Variants in NUP205 observed in about 807,000 individuals in gnomAD.
NUP205 encodes the protein nucleoporin 205.
Under a neutral mutation model 253.8 loss-of-function variants are expected in NUP205, and 76 were observed. That is an observed-to-expected ratio of 0.30 (90% CI 0.25 to 0.36). The LOEUF is 0.36. Ranked by LOEUF, NUP205 falls within the 10% of genes least tolerant of loss-of-function variation. NUP205 has a pLI of 1.00. For missense variants in NUP205, 2,162 were observed against 2,425.5 expected, an observed-to-expected ratio of 0.89 and a Z score of 2.28; for synonymous variants, 832 against 850.1, an observed-to-expected ratio of 0.98 and a Z score of 0.37.
intron 14 of NUP205, 179 bp from the exon 15 acceptor site, chr7:135,597,819 T>C: frequency 1.8e-6 from 1 of 571,222 alleles, no homozygotes; most frequent in East Asian, 2.8e-5. Flanking sequence ...AGTTCTTCCA[T>C]CTGACTCATC....
At chr7:135,605,819 T>C (rs1234126378) in intron 19 of NUP205, among the ~76,000 whole-genome samples, 2 of 151,426 alleles carry the variant, frequency 1.3e-5, no homozygotes, top group Admixed American at 1.3e-4. Flanking sequence ...ACATTGACTA[T>C]ATAATGAAGA....
chr7:135,591,909 A>C (rs1326718572), intron 11 of NUP205, among the ~76,000 whole-genome samples: 1 of 152,208 alleles, frequency 6.6e-6, no homozygotes, highest in African/African-American at 2.4e-5. Flanking sequence ...CCCTTGCCTT[A>C]TAAGTTTGAT....
At chr7:135,646,040 C>A in intron 41 of NUP205, 118 bp from the exon 42 acceptor site, 1 of 694,396 alleles carries the variant, frequency 1.4e-6, no homozygotes, top group East Asian at 2.7e-5. Context: ...ATTGAGTTCC[C>A]AATCTTGAGC....
Position 135,600,817 on chromosome 7 carries a change from G to A in NUP205, c.2275-53G>A, listed in dbSNP as rs1478088594. ...TGGGAAGAGTGAAAAGCCTTGCAAG[G>A]CCACCACCTTGGTCTGTTTTATTGT... On this transcript the variant is annotated intron_variant, in intron 15 of 42. Transcript: ENST00000285968. 6 of 1,042,796 alleles carry A rather than the reference G, an allele frequency of 5.8e-6. No homozygotes were observed. The South Asian group carries it at 6.5e-5, about 11-fold the overall frequency. 64.6% of individuals were successfully genotyped at this position (1,042,796 alleles called of 1,614,324 possible).
intron 42 of NUP205, among the ~76,000 whole-genome samples, chr7:135,648,094 CTTCAGGAAATGTT>C (rs1313516443): frequency 6.6e-6 from 1 of 151,944 alleles, no homozygotes; most frequent in Non-Finnish European, 1.5e-5. Context: ...TTGTATGGCC[CTTCAGGAAATGTT>C]TTTGTGTGTA....
At chr7:135,559,680 A>C (rs6967472) in intron 1 of NUP205, among the ~76,000 whole-genome samples, 42,819 of 138,182 alleles carry the variant, frequency 0.31, 6,661 homozygotes, top group East Asian at 0.57. Context: ...ATACACATTT[A>C]TTTTCCTTTT....
At chr7:135,583,713 T>G (rs924706425) in intron 7 of NUP205, among the ~76,000 whole-genome samples, 1 of 151,986 alleles carries the variant, frequency 6.6e-6, no homozygotes, top group Admixed American at 6.6e-5. Flanking sequence ...GAGCTGAGAT[T>G]GTACCACTGC....
At position 135,606,211 on chromosome 7, in the gene NUP205, G is replaced by A. The variant is rs779900625; in HGVS notation, c.2890G>A (p.Val964Ile). Reference sequence around the variant, plus strand: ...GGATTGTGAAGATGCAGAAGAATTTGTACGTCTGGAAGAGGGTATGCCTTA... The same window carrying A: ...GGATTGTGAAGATGCAGAAGAATTTATACGTCTGGAAGAGGGTATGCCTTA... ...CLDCEDAEEF[V>I]RLEEGSELEK... is the part of the protein sequence containing the mutation. Residue 964 changes from valine to isoleucine, a missense_variant, in exon 20 of 43, where the codon GTA becomes ATA. Val to Ile is a conservative substitution (Grantham distance 29). This residue lies in a region of NUP205 where 1,144 missense variants were observed against 1,280.9 expected (regional missense o/e 0.89). Coordinates refer to ENST00000285968, the MANE Select transcript of NUP205 (RefSeq NM_015135.3). The A allele has an allele frequency of 3.1e-6, 5 of 1,610,376 alleles. No homozygotes were observed. In the African/African-American group the frequency reaches 4.0e-5, roughly 13 times the overall value.
intron 1 of NUP205, among the ~76,000 whole-genome samples, chr7:135,567,174 A>ATATATATATG (rs1805803075): frequency 1.9e-5 from 2 of 105,834 alleles, no homozygotes; most frequent in African/African-American, 3.6e-5. Context: ...ATATATATAT[A>ATATATATATG]TATATATGTA....
chr7:135,592,942 C>A, intron 11 of NUP205, 45 bp from the exon 12 acceptor site: 1 of 1,332,352 alleles, frequency 7.5e-7, no homozygotes, highest in Non-Finnish European at 1.1e-6. Flanking sequence ...CCAGCAAATG[C>A]TTAGATGTTT....
At chr7:135,611,057 G>A (rs1794219544) in intron 22 of NUP205, among the ~76,000 whole-genome samples, 1 of 150,402 alleles carries the variant, frequency 6.6e-6, no homozygotes, top group Non-Finnish European at 1.5e-5. Context: ...CTTGCCTGGA[G>A]TGCAGTGGTG....
intron 42 of NUP205, 32 bp downstream of exon 42, chr7:135,646,263 T>A: frequency 6.7e-7 from 1 of 1,498,522 alleles, no homozygotes; most frequent in Non-Finnish European, 9.3e-7. Context: ...CTTTTATTTT[T>A]CTTCATTAAA....
intron 38 of NUP205, among the ~76,000 whole-genome samples, chr7:135,639,560 G>A (rs537404338): frequency 1.3e-4 from 19 of 151,860 alleles, no homozygotes; most frequent in Non-Finnish European, 2.2e-4. Flanking sequence ...GTGCAGTGGC[G>A]CGCGCCTGTA....
intron 8 of NUP205, among the ~76,000 whole-genome samples, chr7:135,586,339 G>C (rs1806464046): frequency 6.6e-6 from 1 of 151,918 alleles, no homozygotes; most frequent in East Asian, 1.9e-4. Context: ...AGTTAACCTT[G>C]CTTGAAGTTT....
rs757489517 is a variant in NUP205, at chr7:135,591,616, ATGT to A, written c.1624+21_1624+23del. On this transcript the variant is annotated intron_variant, in intron 11 of 42. Transcript: ENST00000285968. The stretch of plus-strand genomic sequence containing the variant: ...AGTAGTCATGGTAAGGAATATGTGG[ATGT>A]TGTTAAAGTTTGTTGTTATACTCTT... 1.1e-5 allele frequency: 18 copies of A among 1,605,158 alleles called. No individual in the cohort carries two copies. Among genetic ancestry groups the A allele is most frequent in the Non-Finnish European group, 1.4e-5 (17 of 1,177,478 alleles).
intron 7 of NUP205, among the ~76,000 whole-genome samples, chr7:135,579,456 AGTGCT>A (rs1400884111): frequency 6.6e-6 from 1 of 152,150 alleles, no homozygotes; most frequent in Non-Finnish European, 1.5e-5. Flanking sequence ...GGCCTCCCAA[AGTGCT>A]GGGATTGCAA....
chr7:135,600,459 T>A (rs928229183), intron 15 of NUP205, among the ~76,000 whole-genome samples: 2 of 152,164 alleles, frequency 1.3e-5, no homozygotes, highest in Non-Finnish European at 2.9e-5. Context: ...GCTTCACTTA[T>A]AAGGAATTTA....
chr7:135,642,560 C>T (rs1301826981), intron 38 of NUP205, among the ~76,000 whole-genome samples: 2 of 152,210 alleles, frequency 1.3e-5, no homozygotes, highest in African/African-American at 4.8e-5. Context: ...TTTGCATCTT[C>T]ATTAGCCAGT....
intron 1 of NUP205, among the ~76,000 whole-genome samples, chr7:135,560,585 A>AT (rs1446545547): frequency 6.6e-6 from 1 of 152,236 alleles, no homozygotes; most frequent in African/African-American, 2.4e-5. Context: ...TATGCATAAT[A>AT]CATATACATG....
Sources: allele counts gnomAD v4.1 joint callset (sites outside exome capture counted in the v4.1 genomes callset), GRCh38; gene constraint gnomAD v4.1.1; regional missense constraint gnomAD v4.1.1; transcripts MANE v1.5; gene names NCBI Gene and HGNC (gene_info 2026-07-23, HGNC 2026-07-21).